The following UGT2B7 variants were observed in gnomAD, a reference collection of about 807,000 sequenced individuals.
UGT2B7 encodes the protein UDP glucuronosyltransferase family 2 member B7.
Under a neutral mutation model 51.9 loss-of-function variants are expected in UGT2B7, and 51 were observed. That is an observed-to-expected ratio of 0.98 (90% CI 0.78 to 1.24). The LOEUF (loss-of-function observed/expected upper bound fraction) is 1.24. Ranked by LOEUF, UGT2B7 falls within the 50% of genes most tolerant of loss-of-function variation. The pLI is 0.00. For synonymous variants in UGT2B7, 225 were observed against 211.6 expected (o/e 1.06, Z -0.55); for missense variants, 727 against 628.4 (o/e 1.16, Z -1.68).
chr4:69,064,112 A>AAGAGAGAGAAAG (rs754723956), intron 1 of UGT2B7, among the ~76,000 whole-genome samples: 7 of 86,798 alleles, frequency 8.1e-5, no homozygotes, highest in Non-Finnish European at 1.5e-4. Context: ...GAAAGAAAGA[A>AAGAGAGAGAAAG]AAAGAAAGAA....
chr4:69,106,146 G>GT (rs1329894239), intron 3 of UGT2B7, among the ~76,000 whole-genome samples: 1 of 151,950 alleles, frequency 6.6e-6, no homozygotes, highest in African/African-American at 2.4e-5. Context: ...GACATGTGTA[G>GT]TTTTTTTACA....
At chr4:69,054,853 G>C (rs1446658033) in intron 1 of UGT2B7, among the ~76,000 whole-genome samples, 11 of 152,012 alleles carry the variant, frequency 7.2e-5, no homozygotes, top group Non-Finnish European at 4.4e-5. Flanking sequence ...AACTTCCTCA[G>C]ACTGAGGGCT....
Position 69,096,716 on chromosome 4 carries a change from C to T in UGT2B7, c.196C>T (p.Pro66Ser). ...LASSASILFD[P>S]NNSSALKIEI... Reference sequence around the variant, plus strand: ...ATCTTCAGCTTCCATTCTTTTTGATCCCAACAACTCATCCGCTCTTAAAAT... The same window carrying T: ...ATCTTCAGCTTCCATTCTTTTTGATTCCAACAACTCATCCGCTCTTAAAAT... The change falls in exon 1 of 6, where the codon CCC becomes TCC. Residue 66 changes from proline to serine, a missense_variant. By Grantham distance (74) the Pro-to-Ser change is moderately conservative. Transcript: ENST00000305231. 1.9e-6 allele frequency: 3 copies of T among 1,613,952 alleles called. No individual in the cohort carries two copies. Among genetic ancestry groups the T allele is most frequent in the Non-Finnish European group, 2.5e-6 (3 of 1,179,910 alleles).
At chr4:69,087,946 A>C (rs1718999371) in intron 1 of UGT2B7, among the ~76,000 whole-genome samples, 1 of 152,000 alleles carries the variant, frequency 6.6e-6, no homozygotes, top group Admixed American at 6.6e-5. Context: ...ATTAAATTTG[A>C]TTAGGGTACA....
rs535790565 is a variant in UGT2B7, at chr4:69,112,537, T to C, written c.1391T>C (p.Ile464Thr). 20 of 1,613,956 alleles carry C rather than the reference T, an allele frequency of 1.2e-5. No homozygotes were observed. Among genetic ancestry groups the C allele is most frequent in the Non-Finnish European group, 1.7e-5 (20 of 1,179,856 alleles). Reference sequence around the variant, plus strand: ...CCCCTGGATCGAGCAGTCTTCTGGATTGAATTTGTCATGCGCCACAAAGGA... The same window carrying C: ...CCCCTGGATCGAGCAGTCTTCTGGACTGAATTTGTCATGCGCCACAAAGGA... ...VKPLDRAVFWIEFVMRHKGAK... is the reference protein window; with the variant it reads ...VKPLDRAVFWTEFVMRHKGAK... The change falls in exon 6 of 6, where the codon ATT becomes ACT. Residue 464 changes from isoleucine to threonine, a missense_variant. Ile to Thr is a moderately conservative substitution (Grantham distance 89). Coordinates refer to ENST00000305231, the MANE Select transcript of UGT2B7 (RefSeq NM_001074.4).
At chr4:69,065,149 G>C (rs1718458555) in intron 1 of UGT2B7, among the ~76,000 whole-genome samples, 1 of 152,118 alleles carries the variant, frequency 6.6e-6, no homozygotes, top group South Asian at 2.1e-4. Context: ...ATGTAATCTG[G>C]GGCTCTTTAC....
At chr4:69,109,508 G>A (rs548223134) in intron 5 of UGT2B7, among the ~76,000 whole-genome samples, 2 of 152,112 alleles carry the variant, frequency 1.3e-5, no homozygotes, top group South Asian at 2.1e-4. Context: ...ATCTTCATAC[G>A]TGCCTACTGA....
Position 69,072,494 on chromosome 4 carries a change from T to C in UGT2B7, c.-158-16978T>C, listed in dbSNP as rs148154188. ...ACAAATGCTTTATGTATAAGTTTTC[T>C]GAATTAATATCTATGCAGAATGCAA... On this transcript the variant is annotated intron_variant, in intron 1 of 5. Coordinates refer to the UGT2B7 transcript ENST00000502942. 1.2e-4 allele frequency among the ~76,000 whole-genome samples: 19 copies of C among 152,334 alleles called. 1 individual carries two copies. The East Asian group carries it at 3.3e-3, about 26-fold the overall frequency.
At chr4:69,064,072 GAAAGAA>G (rs1718423726) in intron 1 of UGT2B7, among the ~76,000 whole-genome samples, 1 of 104,754 alleles carries the variant, frequency 9.5e-6, no homozygotes, top group African/African-American at 4.9e-5. Context: ...AAGAAAGAAA[GAAAGAA>G]AGAAAGAAAG....
chr4:69,102,194 AT>A (rs560476538), intron 2 of UGT2B7, among the ~76,000 whole-genome samples: 2 of 151,918 alleles, frequency 1.3e-5, no homozygotes, highest in East Asian at 1.9e-4. Flanking sequence ...TATTTATTTT[AT>A]TTTTTTTAGT....
Position 69,112,859 on chromosome 4 carries a change from A to G in UGT2B7, c.*123A>G. On this transcript the variant is annotated 3_prime_UTR_variant, in exon 6 of 6. Coordinates refer to ENST00000305231, the MANE Select transcript of UGT2B7 (RefSeq NM_001074.4). Reference sequence around the variant, plus strand: ...GACAAAAAAAAAAAAAGAAAAAAAAATCTTTTCAAAATTTACTTTGTCAAA... The same window carrying G: ...GACAAAAAAAAAAAAAGAAAAAAAAGTCTTTTCAAAATTTACTTTGTCAAA... The G allele has an allele frequency of 7.4e-7, 1 of 1,352,658 alleles. No homozygotes were observed. The highest frequency in any genetic ancestry group is 3.2e-5 in the Admixed American group (1 of 31,072). The allele number at this position is 1,352,658 out of a possible 1,614,324, so 83.8% of individuals were successfully genotyped here.
At chr4:69,105,061 C>G (rs1719552854) in intron 3 of UGT2B7, among the ~76,000 whole-genome samples, 1 of 152,094 alleles carries the variant, frequency 6.6e-6, no homozygotes, top group African/African-American at 2.4e-5. Flanking sequence ...CAGCCAATGT[C>G]TGAAGCAGGA....
intron 1 of UGT2B7, among the ~76,000 whole-genome samples, chr4:69,058,591 C>T (rs58174838): frequency 0.18 from 27,919 of 152,164 alleles, 2,734 homozygotes; most frequent in East Asian, 0.4. Context: ...ATGAAAGCCC[C>T]AGCCAGTTTT....
At chr4:69,055,614 T>G (rs1264752811) in intron 1 of UGT2B7, among the ~76,000 whole-genome samples, 1 of 152,164 alleles carries the variant, frequency 6.6e-6, no homozygotes, top group African/African-American at 2.4e-5. Flanking sequence ...AAATTTGTTT[T>G]TGCAATTAGC....
chr4:69,106,689 G>A (rs1263730449), intron 3 of UGT2B7, among the ~76,000 whole-genome samples: 2 of 151,970 alleles, frequency 1.3e-5, no homozygotes, highest in African/African-American at 2.4e-5. Flanking sequence ...TTCCACAATG[G>A]TTGAACAAAC....
intron 1 of UGT2B7, among the ~76,000 whole-genome samples, chr4:69,060,404 A>G (rs1718318457): frequency 6.6e-6 from 1 of 152,196 alleles, no homozygotes; most frequent in African/African-American, 2.4e-5. Flanking sequence ...TTTCTCGCTC[A>G]TGGCTAAGCC....
intron 3 of UGT2B7, 101 bp downstream of exon 3, chr4:69,103,039 CA>C (rs1469324754): frequency 2.0e-6 from 3 of 1,516,542 alleles, no homozygotes; most frequent in Non-Finnish European, 2.6e-6. Context: ...TGAAGTTGAC[CA>C]AAAGTTGAAA....
intron 1 of UGT2B7, among the ~76,000 whole-genome samples, chr4:69,087,678 G>C (rs1323073196): frequency 6.6e-6 from 1 of 151,336 alleles, no homozygotes; most frequent in African/African-American, 2.4e-5. Context: ...CACTCTTTCA[G>C]GTTTGAAGAA....
At chr4:69,064,104 A>AAGAGAGAG (rs1560499783) in intron 1 of UGT2B7, among the ~76,000 whole-genome samples, 3 of 110,564 alleles carry the variant, frequency 2.7e-5, no homozygotes, top group Non-Finnish European at 5.3e-5. Context: ...AAGAGAAAGA[A>AAGAGAGAG]AGAAAGAAAA....
Sources: gnomAD v4.1 joint callset for allele counts (sites outside exome capture counted in the v4.1 genomes callset) on GRCh38, gnomAD v4.1.1 for gene constraint, MANE v1.5 for transcripts, NCBI Gene and HGNC (gene_info 2026-07-23, HGNC 2026-07-21) for gene names.